Variants in DCHS2 observed in about 807,000 individuals in gnomAD.
DCHS2 encodes dachsous cadherin-related 2.
Under a neutral mutation model 182.4 loss-of-function variants are expected in DCHS2, and 142 were observed. The ratio of observed to expected loss-of-function variants is 0.78; its 90% CI spans 0.68 to 0.89. DCHS2 has a LOEUF of 0.89. Ranked by LOEUF, DCHS2 falls within the 40% of genes least tolerant of loss-of-function variation. The probability of loss-of-function intolerance (pLI) is 0.00; values close to 1 mark genes in which losing one functional copy is unlikely to be tolerated. For missense variants in DCHS2, 4,319 were observed against 4,198.6 expected (o/e 1.03, Z -0.79); for synonymous variants, 1,740 against 1,663.3 (o/e 1.05, Z -1.12).
chr4:154,381,151 A>C (rs1731149474), intron 1 of DCHS2, among the ~76,000 whole-genome samples: 1 of 151,964 alleles, frequency 6.6e-6, no homozygotes, highest in Non-Finnish European at 1.5e-5. Context: ...ACATTACAGC[A>C]CTCTAAATAA....
At chr4:154,279,327 A>G (rs1216514934) in intron 13 of DCHS2, among the ~76,000 whole-genome samples, 2 of 151,836 alleles carry the variant, frequency 1.3e-5, no homozygotes, top group African/African-American at 4.9e-5. Context: ...ATAAATGAAA[A>G]ATAAGATCCA....
intron 1 of DCHS2, among the ~76,000 whole-genome samples, chr4:154,434,753 T>C (rs1469507047): frequency 6.6e-6 from 1 of 152,234 alleles, no homozygotes; most frequent in South Asian, 2.1e-4. Flanking sequence ...TCTGATATGA[T>C]GTGATGAAAA....
intron 1 of DCHS2, among the ~76,000 whole-genome samples, chr4:154,409,249 C>G (rs1396549560): frequency 1.3e-5 from 2 of 152,084 alleles, no homozygotes; most frequent in African/African-American, 2.4e-5. Flanking sequence ...CAAGTGACAG[C>G]TATGCTCCAC....
At chr4:154,386,794 C>T (rs1283688175) in intron 1 of DCHS2, among the ~76,000 whole-genome samples, 1 of 152,194 alleles carries the variant, frequency 6.6e-6, no homozygotes, top group Non-Finnish European at 1.5e-5. Context: ...ACTATTCTCT[C>T]TATTTGCCCT....
At chr4:154,241,504 A>G (rs1429492716) in intron 17 of DCHS2, among the ~76,000 whole-genome samples, 1 of 152,160 alleles carries the variant, frequency 6.6e-6, no homozygotes, top group Non-Finnish European at 1.5e-5. Flanking sequence ...TGTAGCCTAA[A>G]CAGCCCGTGA....
intron 3 of DCHS2, among the ~76,000 whole-genome samples, chr4:154,341,170 C>A (rs1729057739): frequency 6.6e-6 from 1 of 151,992 alleles, no homozygotes; most frequent in Non-Finnish European, 1.5e-5. Context: ...AGATGGAGAC[C>A]ATCCTGGCTA....
intron 3 of DCHS2, among the ~76,000 whole-genome samples, chr4:154,342,972 G>C (rs1270460933): frequency 1.3e-5 from 2 of 152,182 alleles, no homozygotes; most frequent in Non-Finnish European, 2.9e-5. Context: ...ATTACTCCTT[G>C]ATGGATGCAT....
At chr4:154,430,814 T>C (rs1401197661) in intron 1 of DCHS2, among the ~76,000 whole-genome samples, 3 of 152,288 alleles carry the variant, frequency 2.0e-5, no homozygotes, top group South Asian at 2.1e-4. Context: ...TCCAGCACCA[T>C]TTTTTACAAA....
chr4:154,254,078 T>TATCA (rs1430596738), intron 16 of DCHS2, among the ~76,000 whole-genome samples: 1 of 152,192 alleles, frequency 6.6e-6, no homozygotes, highest in Middle Eastern at 3.2e-3. Context: ...TCTGTTGCCT[T>TATCA]ATCAGCAAAT....
intron 3 of DCHS2, chr4:154,355,513 C>A (rs1729819519): frequency 6.6e-6 from 1 of 152,188 alleles, no homozygotes; most frequent in Non-Finnish European, 1.5e-5. Flanking sequence ...CAACCAGCCA[C>A]CCTCAGGGCT....
At chr4:154,439,438 A>T (rs1733908533) in intron 1 of DCHS2, among the ~76,000 whole-genome samples, 1 of 152,208 alleles carries the variant, frequency 6.6e-6, no homozygotes, top group Non-Finnish European at 1.5e-5. Context: ...ATGTTATGAA[A>T]TACTTGTTTT....
In DCHS2 at chr4:154,234,789, C is replaced by T. The variant is rs1731372655; in HGVS notation, c.9863G>A (p.Gly3288Glu). The T allele has an allele frequency of 1.2e-6, 2 of 1,613,942 alleles. No individual in the cohort carries two copies. The highest frequency in any genetic ancestry group is 3.3e-5 in the Admixed American group (2 of 60,002). ...CATTCTTGGTGGGACTGCTTTAATC[C>T]CAGGCTGGGCTACTGCTGTTATCAA... ...PPLITAVAQP[G>E]IKAVPPRMPA... The change falls in exon 20 of 20, where the codon GGG becomes GAG. Residue 3288 changes from glycine to glutamate, a missense_variant. Coordinates refer to ENST00000357232, the MANE Select transcript of DCHS2 (RefSeq NM_001358235.2).
Position 154,320,818 on chromosome 4 carries a change from G to T in DCHS2, c.4581C>A (p.Thr1527=). ...CTTTGGCATTGAAGACATACACCAGGGTTCCTATGGGAACATTCTCCTCTA... is the reference window on the plus strand; with the variant it reads ...CTTTGGCATTGAAGACATACACCAGTGTTCCTATGGGAACATTCTCCTCTA... ...ISVEENVPIG[T]LVYVFNAKDD... Residue 1527 remains threonine, a synonymous_variant, in exon 9 of 20, where the codon ACC becomes ACA. Transcript: ENST00000357232. The T allele has an allele frequency of 6.2e-7, 1 of 1,613,944 alleles. No individual in the cohort carries two copies. Among genetic ancestry groups the T allele is most frequent in the Non-Finnish European group, 8.5e-7 (1 of 1,179,974 alleles).
intron 3 of DCHS2, among the ~76,000 whole-genome samples, chr4:154,352,249 G>A (rs1022104649): frequency 6.6e-6 from 1 of 152,172 alleles, no homozygotes; most frequent in Non-Finnish European, 1.5e-5. Flanking sequence ...ACCCCAACCT[G>A]CCAGACTAAA....
chr4:154,327,882 A>AT (rs541644627), intron 7 of DCHS2, among the ~76,000 whole-genome samples: 174 of 152,308 alleles, frequency 1.1e-3, no homozygotes, highest in African/African-American at 3.7e-3. Context: ...AGCTACTCTG[A>AT]TTTTTTATTA....
At chr4:154,459,028 A>C (rs1243406719) in intron 1 of DCHS2, among the ~76,000 whole-genome samples, 1 of 152,226 alleles carries the variant, frequency 6.6e-6, no homozygotes, top group Non-Finnish European at 1.5e-5. Flanking sequence ...ACTGACCCCA[A>C]AATATTCTAT....
At chr4:154,313,960 A>AT (rs1258030073) in intron 10 of DCHS2, among the ~76,000 whole-genome samples, 1 of 152,224 alleles carries the variant, frequency 6.6e-6, no homozygotes, top group African/African-American at 2.4e-5. Context: ...TGAAAATAAC[A>AT]TTAACACTGG....
chr4:154,456,015 G>T (rs1424498976), intron 1 of DCHS2, among the ~76,000 whole-genome samples: 1 of 151,986 alleles, frequency 6.6e-6, no homozygotes, highest in Non-Finnish European at 1.5e-5. Flanking sequence ...GCTTGAACCT[G>T]GAAGGCAGAG....
chr4:154,437,652 G>C (rs780325873), intron 1 of DCHS2, among the ~76,000 whole-genome samples: 1 of 152,080 alleles, frequency 6.6e-6, no homozygotes, highest in Non-Finnish European at 1.5e-5. Context: ...AATAAACTTT[G>C]ATTTTGAGTA....
Sources: allele counts gnomAD v4.1 joint callset (sites outside exome capture counted in the v4.1 genomes callset), GRCh38; gene constraint gnomAD v4.1.1; transcripts MANE v1.5; gene names NCBI Gene and HGNC (gene_info 2026-07-23, HGNC 2026-07-21).